MKLN1: variants seen among roughly 807,000 people sequenced by gnomAD.
MKLN1 encodes the protein muskelin.
In MKLN1, 18 loss-of-function variants were observed where a neutral mutation model predicts 99.0. That is an observed-to-expected ratio of 0.18 (90% CI 0.13 to 0.27). The LOEUF (loss-of-function observed/expected upper bound fraction) is 0.27, where lower values mean the gene tolerates loss of function less well. Ranked by LOEUF, MKLN1 falls within the 10% of genes least tolerant of loss-of-function variation. The pLI is 1.00. For missense variants in MKLN1, 621 were observed against 875.9 expected, an observed-to-expected ratio of 0.71 and a Z score of 3.67; for synonymous variants, 288 against 293.2, an observed-to-expected ratio of 0.98 and a Z score of 0.18.
intron 2 of MKLN1, among the ~76,000 whole-genome samples, chr7:131,188,938 T>C (rs976885539): frequency 1.3e-5 from 2 of 152,308 alleles, no homozygotes; most frequent in Non-Finnish European, 2.9e-5. Context: ...CACTATCTTC[T>C]AGCTAATGAC....
chr7:131,214,187 C>G (rs1318321435), intron 3 of MKLN1, among the ~76,000 whole-genome samples: 1 of 152,132 alleles, frequency 6.6e-6, no homozygotes, highest in African/African-American at 2.4e-5. Context: ...TGAGCCCAGC[C>G]CTCGTTCTCC....
At chr7:131,294,988 C>T (rs549036254) in intron 3 of MKLN1, among the ~76,000 whole-genome samples, 97 of 152,284 alleles carry the variant, frequency 6.4e-4, no homozygotes, top group Non-Finnish European at 1.1e-3. Context: ...GCCTTCCCTT[C>T]TCTTAATGAC....
intron 1 of MKLN1, among the ~76,000 whole-genome samples, chr7:131,366,192 G>A (rs1297161451): frequency 2.6e-5 from 4 of 152,072 alleles, no homozygotes; most frequent in Non-Finnish European, 4.4e-5. Flanking sequence ...ACCAATTAGT[G>A]ACCAAGCTCC....
chr7:131,148,703 G>A (rs1256995675), intron 2 of MKLN1, among the ~76,000 whole-genome samples: 2 of 152,132 alleles, frequency 1.3e-5, no homozygotes, highest in African/African-American at 2.4e-5. Flanking sequence ...AACCCCAGGA[G>A]GTCAAGGCTG....
chr7:131,322,918 A>G (rs944368966), upstream of MKLN1, among the ~76,000 whole-genome samples: 10 of 152,078 alleles, frequency 6.6e-5, no homozygotes, highest in Non-Finnish European at 2.9e-5. Flanking sequence ...CTCCCTCCCT[A>G]TCATGAAAAC....
At chr7:131,309,314 A>G (rs987634220) in intron 3 of MKLN1, among the ~76,000 whole-genome samples, 7 of 152,180 alleles carry the variant, frequency 4.6e-5, no homozygotes, top group Admixed American at 3.9e-4. Context: ...ATAAGTAGAG[A>G]GTTTATTTGG....
chr7:131,358,650 C>A (rs1402823966), intron 1 of MKLN1, among the ~76,000 whole-genome samples: 1 of 152,084 alleles, frequency 6.6e-6, no homozygotes. Flanking sequence ...CCAGTGAAAC[C>A]ATCTGGGCCT....
At chr7:131,481,798 A>G (rs1584787136) in intron 17 of MKLN1, among the ~76,000 whole-genome samples, 1 of 121,918 alleles carries the variant, frequency 8.2e-6, no homozygotes, top group Non-Finnish European at 1.7e-5. Context: ...TGAATATTTC[A>G]TTTTCTAAGG....
In MKLN1 at chr7:131,268,819, T is replaced by C. The variant is rs1490406533; in HGVS notation, c.-179+65845T>C. Among the ~76,000 whole-genome samples, 3 of 152,306 alleles carry C rather than the reference T, an allele frequency of 2.0e-5. No individual in the cohort carries two copies. In the East Asian group the frequency reaches 5.8e-4, roughly 29 times the overall value. ...GCAGGCAGACAGTGCTGTTCTTGTA[T>C]GTCGTCAAAGATGTGGAAAATAAAT... On this transcript the variant is annotated intron_variant, in intron 3 of 7. Coordinates refer to the MKLN1 transcript ENST00000416992.
intron 1 of MKLN1, among the ~76,000 whole-genome samples, chr7:131,338,024 C>G (rs1799301041): frequency 6.6e-6 from 1 of 152,158 alleles, no homozygotes; most frequent in Non-Finnish European, 1.5e-5. Flanking sequence ...CCTTATAAAC[C>G]TTGTTCTACC....
At chr7:131,370,060 A>G (rs899283326) in intron 1 of MKLN1, among the ~76,000 whole-genome samples, 1 of 152,012 alleles carries the variant, frequency 6.6e-6, no homozygotes, top group Non-Finnish European at 1.5e-5. Context: ...CTGGTCTCAA[A>G]CTCCTGACCT....
chr7:131,344,918 C>T (rs572755426), intron 1 of MKLN1, among the ~76,000 whole-genome samples: 33 of 152,214 alleles, frequency 2.2e-4, no homozygotes, highest in East Asian at 1.9e-3. Context: ...TCTCCTGCCT[C>T]GGCCTCCCGA....
intron 16 of MKLN1, chr7:131,471,177 G>A (rs1004460816): frequency 5.7e-6 from 2 of 353,744 alleles, no homozygotes; most frequent in Non-Finnish European, 1.0e-5. Context: ...GGATTATCAG[G>A]TATAAAGTTT....
chr7:131,245,349 C>A (rs1481308382), intron 3 of MKLN1, among the ~76,000 whole-genome samples: 1 of 147,802 alleles, frequency 6.8e-6, no homozygotes, highest in Non-Finnish European at 1.5e-5. Flanking sequence ...CTCACTGCAA[C>A]CTCTGTCTCC....
intron 3 of MKLN1, among the ~76,000 whole-genome samples, chr7:131,233,343 C>G (rs1249815735): frequency 1.3e-5 from 2 of 150,806 alleles, no homozygotes; most frequent in African/African-American, 2.4e-5. Context: ...GCACTCCAGC[C>G]TGGGTGACAG....
chr7:131,227,576 T>G (rs1330711018), intron 3 of MKLN1, among the ~76,000 whole-genome samples: 2 of 150,452 alleles, frequency 1.3e-5, no homozygotes, highest in African/African-American at 2.4e-5. Flanking sequence ...CTTTCTTTCT[T>G]TTTTTTTGAG....
chr7:131,372,642 A>G (rs912545623), intron 1 of MKLN1, among the ~76,000 whole-genome samples: 2 of 152,000 alleles, frequency 1.3e-5, no homozygotes, highest in Non-Finnish European at 2.9e-5. Context: ...GTTATAATTT[A>G]ATCCTCCATT....
At chr7:131,240,326 G>A (rs1797383502) in intron 3 of MKLN1, among the ~76,000 whole-genome samples, 1 of 152,196 alleles carries the variant, frequency 6.6e-6, no homozygotes, top group South Asian at 2.1e-4. Flanking sequence ...AGCAGACTGT[G>A]AAGCTGCTCT....
At chr7:131,476,626 T>C (rs1796975863) in intron 16 of MKLN1, among the ~76,000 whole-genome samples, 1 of 152,226 alleles carries the variant, frequency 6.6e-6, no homozygotes. Context: ...TATTTATGGA[T>C]TGAAACACTA....
Sources: gnomAD v4.1 joint callset for allele counts (sites outside exome capture counted in the v4.1 genomes callset) on GRCh38, gnomAD v4.1.1 for gene constraint, MANE v1.5 for transcripts, NCBI Gene and HGNC (gene_info 2026-07-23, HGNC 2026-07-21) for gene names.